RSPRY1: variants seen among roughly 807,000 people sequenced by gnomAD.
The protein encoded by RSPRY1 is RING finger and SPRY domain-containing protein 1.
In RSPRY1, 23 loss-of-function variants were observed where a neutral mutation model predicts 73.1. The ratio of observed to expected loss-of-function variants is 0.31; its 90% CI spans 0.23 to 0.45. The LOEUF (loss-of-function observed/expected upper bound fraction) is 0.45, where lower values mean the gene tolerates loss of function less well. Among genes scored for constraint, RSPRY1 ranks in the 20% least tolerant of loss-of-function variants. The pLI is 1.00. For missense variants in RSPRY1, 448 were observed against 698.7 expected (o/e 0.64, Z 4.05); for synonymous variants, 226 against 251.4 (o/e 0.90, Z 0.95).
intron 8 of RSPRY1, 68 bp downstream of exon 8, chr16:57,217,103 A>G (rs2074954380): frequency 6.4e-7 from 1 of 1,569,862 alleles, no homozygotes; most frequent in Non-Finnish European, 8.8e-7. Flanking sequence ...TCATAGGCTC[A>G]CTGGTCTTCC....
At chr16:57,238,819 C>A in intron 14 of RSPRY1, 60 bp from the exon 15 acceptor site, 1 of 853,758 alleles carries the variant, frequency 1.2e-6, no homozygotes, top group Non-Finnish European at 1.8e-6. Context: ...AGTTGGCAGG[C>A]AGTTGGAGTT....
chr16:57,237,807 G>A (rs368089371), intron 14 of RSPRY1, among the ~76,000 whole-genome samples: 3 of 152,186 alleles, frequency 2.0e-5, no homozygotes, highest in East Asian at 3.9e-4. Flanking sequence ...CGCCTCCCGA[G>A]CTCAAGTGAT....
At chr16:57,188,401 C>T (rs77602358) in intron 1 of RSPRY1, among the ~76,000 whole-genome samples, 5,044 of 151,812 alleles carry the variant, frequency 0.033, 277 homozygotes, top group East Asian at 0.22. Flanking sequence ...ACTTGTGTCC[C>T]TGTATGACAT....
At chr16:57,229,867 C>T (rs1411411166) in intron 11 of RSPRY1, among the ~76,000 whole-genome samples, 6 of 149,320 alleles carry the variant, frequency 4.0e-5, no homozygotes, top group Non-Finnish European at 7.4e-5. Context: ...CATTAACACC[C>T]GGGTAATTTT....
intron 4 of RSPRY1, among the ~76,000 whole-genome samples, chr16:57,210,554 T>C (rs1367390695): frequency 6.6e-6 from 1 of 151,806 alleles, no homozygotes; most frequent in Non-Finnish European, 1.5e-5. Context: ...ATACCCCGTC[T>C]CTACTAAAAA....
At chr16:57,216,240 G>A (rs2146302267) in intron 7 of RSPRY1, 67 bp downstream of exon 7, 1 of 1,176,120 alleles carries the variant, frequency 8.5e-7, no homozygotes, top group Non-Finnish European at 1.3e-6. Flanking sequence ...ATTTTTCTTA[G>A]TTACTGGATA....
At chr16:57,207,012 A>G (rs555521115) in intron 2 of RSPRY1, among the ~76,000 whole-genome samples, 4 of 152,214 alleles carry the variant, frequency 2.6e-5, no homozygotes, top group Admixed American at 6.5e-5. Flanking sequence ...TGAAAGTATT[A>G]TATTTTGTTA....
At chr16:57,219,567 T>C (rs1277080635) in intron 8 of RSPRY1, 2 of 152,268 alleles carry the variant, frequency 1.3e-5, no homozygotes, top group Admixed American at 1.3e-4. Context: ...ATTAATCCTT[T>C]GTCGAATGGA....
At chr16:57,233,738 C>A (rs766276961) in intron 13 of RSPRY1, among the ~76,000 whole-genome samples, 7 of 152,170 alleles carry the variant, frequency 4.6e-5, no homozygotes, top group Non-Finnish European at 7.3e-5. Context: ...TCCTTGACAC[C>A]TTACTTTCTG....
intron 1 of RSPRY1, among the ~76,000 whole-genome samples, chr16:57,190,538 C>G (rs1201701660): frequency 6.6e-6 from 1 of 152,214 alleles, no homozygotes; most frequent in Non-Finnish European, 1.5e-5. Flanking sequence ...GATTTAGCTT[C>G]TCTTCAAGCT....
chr16:57,227,898 A>G (rs2075143585), intron 11 of RSPRY1, among the ~76,000 whole-genome samples: 1 of 152,168 alleles, frequency 6.6e-6, no homozygotes. Flanking sequence ...CTCTGGAAGG[A>G]TTTGATTCCT....
intron 6 of RSPRY1, 49 bp from the exon 7 acceptor site, chr16:57,216,058 G>A (rs759885878): frequency 5.7e-6 from 8 of 1,392,246 alleles, no homozygotes; most frequent in African/African-American, 3.1e-5. Context: ...TGCCACCTCT[G>A]CAGGGGAATG....
At chr16:57,197,321 C>T (rs2074467358) in intron 1 of RSPRY1, among the ~76,000 whole-genome samples, 1 of 152,080 alleles carries the variant, frequency 6.6e-6, no homozygotes, top group South Asian at 2.1e-4. Flanking sequence ...CATTTATGTG[C>T]CCTGTCTGTG....
At chr16:57,209,674 T>C (rs2074797530) in intron 4 of RSPRY1, among the ~76,000 whole-genome samples, 1 of 152,032 alleles carries the variant, frequency 6.6e-6, no homozygotes. Context: ...GCCCTCTGTC[T>C]TTTTATTTAT....
At chr16:57,190,586 AG>A (rs2074336035) in intron 1 of RSPRY1, among the ~76,000 whole-genome samples, 1 of 152,200 alleles carries the variant, frequency 6.6e-6, no homozygotes, top group African/African-American at 2.4e-5. Context: ...GAATTTGGGT[AG>A]TTTTTTCCCT....
chr16:57,236,712 A>G (rs1169706113), intron 14 of RSPRY1, among the ~76,000 whole-genome samples: 1 of 152,212 alleles, frequency 6.6e-6, no homozygotes, highest in Non-Finnish European at 1.5e-5. Context: ...CCACAATGTT[A>G]TTTTTAGTAA....
At chr16:57,229,964 C>T (rs2075185852) in intron 11 of RSPRY1, among the ~76,000 whole-genome samples, 1 of 145,138 alleles carries the variant, frequency 6.9e-6, no homozygotes, top group Admixed American at 7.1e-5. Flanking sequence ...CTCGGCCTCC[C>T]AAAGTGCTGG....
At chr16:57,236,172 G>A (rs189499312) in intron 14 of RSPRY1, among the ~76,000 whole-genome samples, 1 of 152,310 alleles carries the variant, frequency 6.6e-6, no homozygotes, top group East Asian at 1.9e-4. Flanking sequence ...GAGTTTAAAG[G>A]TTGGATATCT....
At chr16:57,225,722 A>C (rs1027423642) in intron 10 of RSPRY1, among the ~76,000 whole-genome samples, 1 of 152,224 alleles carries the variant, frequency 6.6e-6, no homozygotes, top group Non-Finnish European at 1.5e-5. Context: ...ATAATTTCTT[A>C]AGATCTCAGC....
Sources: gnomAD v4.1 joint callset for allele counts (sites outside exome capture counted in the v4.1 genomes callset) on GRCh38, gnomAD v4.1.1 for gene constraint, MANE v1.5 for transcripts, NCBI Gene and HGNC (gene_info 2026-07-23, HGNC 2026-07-21) for gene names.